Variants in APPBP2 observed in about 807,000 individuals in gnomAD.
APPBP2 encodes the protein amyloid beta precursor protein binding protein 2.
A neutral mutation model predicts 76.0 loss-of-function variants in APPBP2; 15 were observed. The observed-to-expected ratio is 0.20, with a 90% CI of 0.13 to 0.30. The LOEUF (loss-of-function observed/expected upper bound fraction) is 0.30. Ranked by LOEUF, APPBP2 falls within the 10% of genes least tolerant of loss-of-function variation. The pLI, the probability that APPBP2 is intolerant of heterozygous loss-of-function variation, is 1.00. For missense variants in APPBP2, 401 were observed against 687.2 expected, an observed-to-expected ratio of 0.58 and a Z score of 4.66; for synonymous variants, 222 against 242.2, an observed-to-expected ratio of 0.92 and a Z score of 0.77.
chr17:60,523,867 G>C (rs76855168), intron 1 of APPBP2, among the ~76,000 whole-genome samples: 1 of 152,072 alleles, frequency 6.6e-6, no homozygotes, highest in African/African-American at 2.4e-5. Flanking sequence ...CTAAATATCA[G>C]GTTTGAGACC....
intron 3 of APPBP2, among the ~76,000 whole-genome samples, chr17:60,480,753 A>G (rs2090622406): frequency 6.6e-6 from 1 of 152,132 alleles, no homozygotes; most frequent in Non-Finnish European, 1.5e-5. Context: ...AGTCTGTTTG[A>G]GGATGCTGAG....
chr17:60,493,911 T>C lies in APPBP2; in HGVS notation c.379+555A>G, dbSNP rs116330147. The stretch of plus-strand genomic sequence containing the variant: ...CTCAGTAACCCAAAGTGCTAGGAAC[T>C]ACAGGCATGAGTCACCATGCCCAGC... On this transcript the variant is annotated intron_variant, in intron 3 of 12. Coordinates refer to ENST00000083182, the MANE Select transcript of APPBP2 (RefSeq NM_006380.5). Among the ~76,000 whole-genome samples, 1,477 of 152,326 alleles carry C rather than the reference T, an allele frequency of 9.7e-3. 16 individuals are homozygous for C. The highest frequency in any genetic ancestry group is 0.032 in the African/African-American group (1,338 of 41,580).
chr17:60,448,314 T>C (rs545874467), intron 12 of APPBP2, among the ~76,000 whole-genome samples: 1 of 152,176 alleles, frequency 6.6e-6, no homozygotes, highest in East Asian at 1.9e-4. Context: ...AATACAAAAA[T>C]TAGCTGGGCG....
chr17:60,461,822 A>G lies in APPBP2; in HGVS notation c.924T>C (p.Val308=), dbSNP rs752669690. ...LLNVDNICQS[V]AIYQAALDIR... ...ACCATTAACATACCTGATAAATTGC[A>G]ACAGACTGACAGATATTATCTACAT... The change falls in exon 8 of 13, where the codon GTT becomes GTC. Residue 308 remains valine (V), a synonymous_variant. Transcript: ENST00000083182. 3.1e-6 allele frequency: 5 copies of G among 1,605,300 alleles called. No individual in the cohort carries two copies. In the South Asian group the frequency reaches 3.4e-5, roughly 11 times the overall value.
chr17:60,495,490 G>C (rs553761839), intron 2 of APPBP2, among the ~76,000 whole-genome samples: 55 of 149,056 alleles, frequency 3.7e-4, no homozygotes, highest in African/African-American at 1.3e-3. Context: ...TTATGTTTTA[G>C]AGACAAGGTC....
At position 60,481,070 on chromosome 17, in the gene APPBP2, C is replaced by T. The variant is rs145620941; in HGVS notation, c.380-1799G>A. ...GGTTGCTCCTCCTAGAGGTCTAGAT[C>T]CTAGACCCACGGGCCCTCTTTTCAG... On this transcript the variant is annotated intron_variant, in intron 3 of 12. Transcript: ENST00000083182. 5.5e-4 allele frequency among the ~76,000 whole-genome samples: 84 copies of T among 152,314 alleles called. 1 individual carries two copies. The highest frequency in any genetic ancestry group is 1.9e-3 in the African/African-American group (80 of 41,562).
At chr17:60,476,976 T>G (rs758074599) in intron 4 of APPBP2, among the ~76,000 whole-genome samples, 7 of 152,234 alleles carry the variant, frequency 4.6e-5, no homozygotes, top group Non-Finnish European at 8.8e-5. Context: ...AGACTATACT[T>G]ATTACACAGA....
intron 4 of APPBP2, among the ~76,000 whole-genome samples, chr17:60,472,314 T>G (rs1425695337): frequency 1.3e-5 from 2 of 152,220 alleles, no homozygotes; most frequent in Admixed American, 1.3e-4. Context: ...GGAAGGTTTT[T>G]GATTATGGAT....
intron 11 of APPBP2, among the ~76,000 whole-genome samples, chr17:60,452,523 T>C (rs2090402643): frequency 6.6e-6 from 1 of 152,214 alleles, no homozygotes. Context: ...ACAATTTTTA[T>C]TCCAACAAAC....
chr17:60,487,932 T>A (rs2090693980), intron 3 of APPBP2, among the ~76,000 whole-genome samples: 1 of 152,230 alleles, frequency 6.6e-6, no homozygotes, highest in Non-Finnish European at 1.5e-5. Flanking sequence ...TGTTTGTTAG[T>A]TTTCCTTGTA....
intron 1 of APPBP2, among the ~76,000 whole-genome samples, chr17:60,502,567 A>G (rs1374543956): frequency 6.8e-6 from 1 of 148,048 alleles, no homozygotes; most frequent in Non-Finnish European, 1.5e-5. Context: ...AAAAAAGAAT[A>G]AACAGGCTGG....
At chr17:60,506,458 A>T (rs567329382) in intron 1 of APPBP2, among the ~76,000 whole-genome samples, 1 of 152,182 alleles carries the variant, frequency 6.6e-6, no homozygotes, top group East Asian at 1.9e-4. Context: ...TTAGTTTATA[A>T]CTCATCCAAA....
At chr17:60,492,011 C>T (rs898856484) in intron 3 of APPBP2, among the ~76,000 whole-genome samples, 2 of 152,140 alleles carry the variant, frequency 1.3e-5, no homozygotes, top group Non-Finnish European at 2.9e-5. Flanking sequence ...GAGCCCAGGG[C>T]CCCCCTGCTG....
Position 60,447,782 on chromosome 17 carries a change from A to C in APPBP2, c.1557T>G (p.Gly519=). ...CAATGGAGTTGTAAAGTTTAATGAG[A>C]CCTCGATAATCATATTCTAGTCCAC... is the stretch of plus-strand genomic sequence containing the variant. The part of the protein sequence containing the change: ...GYSGLEYDYR[G]LIKLYNSIGN... The change falls in exon 13 of 13, where the codon GGT becomes GGG. Residue 519 remains glycine, a synonymous_variant. Transcript: ENST00000083182. 1 of 1,613,830 alleles carries C rather than the reference A, an allele frequency of 6.2e-7. No homozygotes were observed.
chr17:60,487,907 G>A (rs1026994585), intron 3 of APPBP2, among the ~76,000 whole-genome samples: 2 of 152,134 alleles, frequency 1.3e-5, no homozygotes, highest in African/African-American at 2.4e-5. Context: ...AGTTTATGTC[G>A]ATGCTATTCC....
chr17:60,458,001 C>G (rs2090443963), intron 9 of APPBP2, among the ~76,000 whole-genome samples: 1 of 152,090 alleles, frequency 6.6e-6, no homozygotes, highest in Non-Finnish European at 1.5e-5. Flanking sequence ...TTTATGTTCT[C>G]TCTACGGATT....
chr17:60,452,596 T>C (rs1241751768), intron 11 of APPBP2, among the ~76,000 whole-genome samples: 1 of 152,174 alleles, frequency 6.6e-6, no homozygotes, highest in Non-Finnish European at 1.5e-5. Context: ...CTCTCACTCT[T>C]TACTTACTGT....
chr17:60,468,250 C>T (rs1193410899), intron 4 of APPBP2, among the ~76,000 whole-genome samples: 1 of 151,884 alleles, frequency 6.6e-6, no homozygotes, highest in East Asian at 1.9e-4. Context: ...TACACTCTGG[C>T]TATAGCAAAG....
intron 6 of APPBP2, chr17:60,462,297 T>C (rs2090481112): frequency 1.2e-5 from 5 of 410,182 alleles, no homozygotes; most frequent in Non-Finnish European, 1.3e-5. Flanking sequence ...TCAGTCCTAG[T>C]ACAAATCTGT....
Sources: gnomAD v4.1 joint callset for allele counts (sites outside exome capture counted in the v4.1 genomes callset) on GRCh38, gnomAD v4.1.1 for gene constraint, MANE v1.5 for transcripts, NCBI Gene and HGNC (gene_info 2026-07-23, HGNC 2026-07-21) for gene names.